The following TAC4 variants were observed in gnomAD, a reference collection of about 807,000 sequenced individuals.
TAC4 encodes tachykinin-4.
Under a neutral mutation model 17.7 loss-of-function variants are expected in TAC4, and 17 were observed. That is an observed-to-expected ratio of 0.96 (90% CI 0.66 to 1.44). TAC4 has a LOEUF of 1.44. Ranked by LOEUF, TAC4 falls within the 40% of genes most tolerant of loss-of-function variation. The pLI is 0.00. For missense variants in TAC4, 118 were observed against 125.6 expected (o/e 0.94, Z 0.29); for synonymous variants, 62 against 52.4 (o/e 1.18, Z -0.79).
chr17:49,847,834 T>C, intron 1 of TAC4, 79 bp downstream of exon 1: 1 of 1,608,952 alleles, frequency 6.2e-7, no homozygotes, highest in South Asian at 1.1e-5. Flanking sequence ...ATGCAGGGGA[T>C]CTTCTGCCTC....
At chr17:49,839,189 A>T (rs1178648574) in intron 4 of TAC4, among the ~76,000 whole-genome samples, 2 of 152,166 alleles carry the variant, frequency 1.3e-5, no homozygotes, top group African/African-American at 2.4e-5. Context: ...GGGGTCCAGA[A>T]GTCTGCAGCT....
At chr17:49,844,217 C>G in intron 1 of TAC4, 60 bp from the exon 2 acceptor site, 1 of 1,536,120 alleles carries the variant, frequency 6.5e-7, no homozygotes, top group East Asian at 2.3e-5. Flanking sequence ...GGGAGGCCAG[C>G]CTGGGCAATG....
rs1357204236 is a variant in TAC4, at chr17:49,847,963, C to T, written c.55G>A (p.Ala19Thr). The T allele has an allele frequency of 6.2e-7, 1 of 1,614,088 alleles. No individual in the cohort carries two copies. The highest frequency in any genetic ancestry group is 1.3e-5 in the African/African-American group (1 of 74,940). Residue 19 changes from alanine (A) to threonine (T), a missense_variant, in exon 1 of 5, where the codon GCA (alanine) becomes ACA (threonine). Physicochemically the swap from Ala to Thr is moderately conservative, Grantham distance 58 (BLOSUM62 0). Transcript: ENST00000436235. ...LLMELSVCTV[A>T]GDGGEEQTLS... The stretch of plus-strand genomic sequence containing the variant: ...GTCTGTTCCTCTCCACCATCACCTG[C>T]CACAGTGCACACGGACAGCTCCATC...
intron 4 of TAC4, among the ~76,000 whole-genome samples, chr17:49,838,996 G>A (rs1360746340): frequency 1.3e-5 from 2 of 152,124 alleles, no homozygotes; most frequent in Admixed American, 6.6e-5. Context: ...CTCTGTTATC[G>A]GCTCACTGTG....
intron 3 of TAC4, among the ~76,000 whole-genome samples, chr17:49,841,311 G>A (rs781353486): frequency 1.4e-5 from 2 of 141,622 alleles, no homozygotes; most frequent in South Asian, 2.2e-4. Context: ...AACGCTGGTC[G>A]AACTAGATCC....
At chr17:49,847,446 A>G in intron 1 of TAC4, 1 of 410,018 alleles carries the variant, frequency 2.4e-6, no homozygotes, top group Non-Finnish European at 4.3e-6. Context: ...CCTCAGATGC[A>G]CAGATACACA....
chr17:49,847,875 G>A, intron 1 of TAC4, 38 bp downstream of exon 1: 1 of 1,613,754 alleles, frequency 6.2e-7, no homozygotes, highest in Admixed American at 1.7e-5. Context: ...GCCCTCGTCA[G>A]AGCCTCTCCC....
chr17:49,846,345 C>T lies in TAC4; in HGVS notation c.105+1568G>A, dbSNP rs970114698. 121 of 755,246 alleles carry T rather than the reference C, an allele frequency of 1.6e-4. 1 individual carries two copies. The highest frequency in any genetic ancestry group is 4.7e-4 in the Middle Eastern group (1 of 2,150). The allele number at this position is 755,246 out of a possible 1,614,324, so 46.8% of individuals were successfully genotyped here. On this transcript the variant is annotated intron_variant, in intron 1 of 4. Coordinates refer to ENST00000436235, the MANE Select transcript of TAC4 (RefSeq NM_001077506.2). ...AGGTTGGAGTGCAGCAGCACAAGCA[C>T]GACTCACTGCAGCCTCAACTTCCTG...
At chr17:49,846,279 T>A (rs1243723094) in intron 1 of TAC4, 3 of 2,204 alleles carry the variant, frequency 1.4e-3, no homozygotes, top group Non-Finnish European at 1.8e-3. Flanking sequence ...TGTTACCTCA[T>A]TTTTTTTTTT....
chr17:49,845,601 T>C (rs2074532100), intron 1 of TAC4, among the ~76,000 whole-genome samples: 1 of 152,116 alleles, frequency 6.6e-6, no homozygotes. Context: ...GGAGTCCCCT[T>C]TTCCAGGAAA....
At chr17:49,844,652 G>T (rs1396444815) in intron 1 of TAC4, among the ~76,000 whole-genome samples, 1 of 152,182 alleles carries the variant, frequency 6.6e-6, no homozygotes, top group Non-Finnish European at 1.5e-5. Context: ...CAGCTACTCA[G>T]GAGGCTGAGG....
intron 1 of TAC4, chr17:49,847,696 C>CACACACACACAG: frequency 7.5e-6 from 2 of 264,908 alleles, no homozygotes; most frequent in South Asian, 5.0e-5. Flanking sequence ...CACACAGACA[C>CACACACACACAG]ACACACACAC....
intron 1 of TAC4, among the ~76,000 whole-genome samples, chr17:49,844,967 C>A (rs2074526732): frequency 6.6e-6 from 1 of 152,210 alleles, no homozygotes; most frequent in Admixed American, 6.5e-5. Flanking sequence ...AGTGACTTGT[C>A]CAAGGTCACA....
chr17:49,843,703 A>G (rs536573606), intron 2 of TAC4, among the ~76,000 whole-genome samples: 39 of 152,142 alleles, frequency 2.6e-4, no homozygotes, highest in Non-Finnish European at 4.6e-4. Context: ...AAGCAATTCT[A>G]CTGCCTCAGC....
intron 3 of TAC4, among the ~76,000 whole-genome samples, chr17:49,841,187 A>C (rs1056929454): frequency 2.8e-5 from 4 of 144,842 alleles, no homozygotes; most frequent in Non-Finnish European, 6.0e-5. Flanking sequence ...CCTGGTCCAG[A>C]TTTGCACTTT....
intron 4 of TAC4, among the ~76,000 whole-genome samples, 199 bp from the exon 5 acceptor site, chr17:49,838,872 T>C (rs2074476577): frequency 6.6e-6 from 1 of 152,160 alleles, no homozygotes; most frequent in Non-Finnish European, 1.5e-5. Flanking sequence ...CTCCAGAGCA[T>C]GGATGGAGCC....
intron 3 of TAC4, among the ~76,000 whole-genome samples, chr17:49,841,047 T>A (rs1016631597): frequency 6.6e-6 from 1 of 151,136 alleles, no homozygotes; most frequent in African/African-American, 2.4e-5. Flanking sequence ...ACCGGGCTAA[T>A]GTTTGCATTT....
At chr17:49,842,194 A>G (rs2074503661) in intron 2 of TAC4, among the ~76,000 whole-genome samples, 1 of 151,772 alleles carries the variant, frequency 6.6e-6, no homozygotes, top group South Asian at 2.1e-4. Context: ...TTTCTCTGAC[A>G]TTCCCATCCC....
intron 4 of TAC4, 108 bp from the exon 5 acceptor site, chr17:49,838,781 C>T (rs2074475788): frequency 9.0e-7 from 1 of 1,105,466 alleles, no homozygotes; most frequent in Non-Finnish European, 1.3e-6. Flanking sequence ...CTTCCTAACC[C>T]CTCTCTCCTT....
Sources: allele counts gnomAD v4.1 joint callset (sites outside exome capture counted in the v4.1 genomes callset), GRCh38; gene constraint gnomAD v4.1.1; transcripts MANE v1.5; gene names NCBI Gene and HGNC (gene_info 2026-07-23, HGNC 2026-07-21).